The following KLC4 variants were observed in gnomAD, a reference collection of about 807,000 sequenced individuals.
The protein encoded by KLC4 is kinesin light chain 4.
A neutral mutation model predicts 77.2 loss-of-function variants in KLC4; 49 were observed. The observed-to-expected ratio is 0.63, with a 90% CI of 0.50 to 0.80. The LOEUF (loss-of-function observed/expected upper bound fraction) is 0.80. Among genes scored for constraint, KLC4 ranks in the 30% least tolerant of loss-of-function variants. KLC4 has a pLI of 0.00. For synonymous variants in KLC4, 274 were observed against 314.5 expected (o/e 0.87, Z 1.36); for missense variants, 669 against 793.5 (o/e 0.84, Z 1.89).
intron 13 of KLC4, 99 bp from the exon 14 acceptor site, chr6:43,073,124 G>A (rs1765811074): frequency 7.6e-7 from 1 of 1,309,482 alleles, no homozygotes; most frequent in Non-Finnish European, 1.1e-6. Flanking sequence ...ACTGGGCCTT[G>A]GGGGTGGGGG....
intron 15 of KLC4, chr6:43,074,388 G>A: frequency 1.7e-6 from 1 of 575,358 alleles, no homozygotes; most frequent in Non-Finnish European, 3.1e-6. Context: ...CAACACACAA[G>A]TATATGCCAG....
At chr6:43,068,158 T>C (rs1477807555) in intron 6 of KLC4, among the ~76,000 whole-genome samples, 2 of 141,378 alleles carry the variant, frequency 1.4e-5, no homozygotes. Context: ...AGGTGGACAC[T>C]TTATTAAAGT....
intron 4 of KLC4, 25 bp from the exon 5 acceptor site, chr6:43,066,281 T>A: frequency 6.3e-7 from 1 of 1,587,030 alleles, no homozygotes; most frequent in Non-Finnish European, 8.7e-7. Context: ...GAAGAGTCCT[T>A]TGTTTATGTT....
rs748660660 is a variant in KLC4 at position 43,066,450 on chromosome 6, A to G, written c.716A>G (p.Glu239Gly). Reference protein sequence around the residue: ...VAVPLCKQALEDLERTSGRGH... With the variant: ...VAVPLCKQALGDLERTSGRGH... ...GTGCCACTCTGTAAGCAGGCACTAG[A>G]GGACCTGGAGCGCACATCAGGCCGT... Residue 239 changes from glutamate (E) to glycine (G), a missense_variant, in exon 5 of 16, where the codon GAG (glutamate) becomes GGG (glycine). Coordinates refer to ENST00000347162, the MANE Select transcript of KLC4 (RefSeq NM_201521.3). 9.3e-6 allele frequency: 15 copies of G among 1,614,068 alleles called. No homozygotes were observed. The African/African-American group carries it at 2.0e-4, about 22-fold the overall frequency.
At chr6:43,062,647 T>G in intron 2 of KLC4, 1 of 502,922 alleles carries the variant, frequency 2.0e-6, no homozygotes, top group Middle Eastern at 5.5e-4. Context: ...AAATAGACAA[T>G]AGGGGAACAA....
At chr6:43,068,277 T>C (rs908177745) in intron 6 of KLC4, among the ~76,000 whole-genome samples, 4 of 149,592 alleles carry the variant, frequency 2.7e-5, no homozygotes, top group Non-Finnish European at 5.9e-5. Flanking sequence ...TTCAAGACCA[T>C]CCTGGCCAAC....
intron 6 of KLC4, among the ~76,000 whole-genome samples, chr6:43,069,232 GTTTGT>G (rs374619938): frequency 0.023 from 3,438 of 152,046 alleles, 56 homozygotes; most frequent in Non-Finnish European, 0.034. Flanking sequence ...TGAAAAGTTT[GTTTGT>G]TTTGTTTTGT....
chr6:43,063,210 G>T lies in KLC4; in HGVS notation c.489+63G>T, dbSNP rs1321956185. 4.7e-6 allele frequency: 6 copies of T among 1,278,798 alleles called. No individual in the cohort carries two copies. The African/African-American group carries it at 7.3e-5, about 16-fold the overall frequency. The allele number at this position is 1,278,798 out of a possible 1,614,324, so 79.2% of individuals were successfully genotyped here. On this transcript the variant is annotated intron_variant, in intron 3 of 15. Coordinates refer to ENST00000347162, the MANE Select transcript of KLC4 (RefSeq NM_201521.3). ...AGCCGGGAGTTACCACAGACATGGG[G>T]GCAATTGCCCCATCATCCTCAGGGT...
At chr6:43,067,908 C>T (rs1364646513) in intron 6 of KLC4, among the ~76,000 whole-genome samples, 1 of 117,922 alleles carries the variant, frequency 8.5e-6, no homozygotes, top group Non-Finnish European at 1.6e-5. Context: ...GTCAGGAGAT[C>T]GAGACCATCC....
chr6:43,060,178 T>C (rs992444397), intron 1 of KLC4: 5 of 1,613,308 alleles, frequency 3.1e-6, no homozygotes, highest in Non-Finnish European at 1.7e-6. Flanking sequence ...TCTCAGAGCC[T>C]GTTTGTAGGT....
chr6:43,063,179 G>T (rs1471778202), intron 3 of KLC4, 32 bp downstream of exon 3: 1 of 1,544,498 alleles, frequency 6.5e-7, no homozygotes, highest in Non-Finnish European at 8.9e-7. Flanking sequence ...TGGCTGAGGG[G>T]TGGGCAGCCG....
At chr6:43,063,546 A>G (rs1326712233) in intron 3 of KLC4, among the ~76,000 whole-genome samples, 1 of 148,540 alleles carries the variant, frequency 6.7e-6, no homozygotes, top group Middle Eastern at 3.4e-3. Context: ...TGCTTTCAAA[A>G]TGTGTGAATT....
Position 43,072,905 on chromosome 6 carries a change from G to A in KLC4, c.1570G>A (p.Gly524Arg). 3 of 1,611,316 alleles carry A rather than the reference G, an allele frequency of 1.9e-6. No individual in the cohort carries two copies. The highest frequency in any genetic ancestry group is 3.4e-5 in the Admixed American group (2 of 59,188). Residue 524 changes from glycine to arginine, a missense_variant, in exon 13 of 16, where the codon GGA becomes AGA. Gly to Arg is a moderately radical substitution (Grantham distance 125, BLOSUM62 -2). Coordinates refer to ENST00000347162, the MANE Select transcript of KLC4 (RefSeq NM_201521.3). ...TAGAAGGACCTCCCAGGAGGGCCCTGGAGACAGTGTGAAATTCGAGGGAGG... is the reference window on the plus strand; with the variant it reads ...TAGAAGGACCTCCCAGGAGGGCCCTAGAGACAGTGTGAAATTCGAGGGAGG... The part of the protein sequence containing the change: ...DGRRTSQEGP[G>R]DSVKFEGGED...
intron 6 of KLC4, among the ~76,000 whole-genome samples, chr6:43,069,037 G>A (rs1168898020): frequency 1.3e-5 from 2 of 152,116 alleles, no homozygotes; most frequent in East Asian, 1.9e-4. Flanking sequence ...GAACCCAGGA[G>A]GCTGAGGTTG....
At chr6:43,070,904 A>C in intron 8 of KLC4, 39 bp downstream of exon 8, 2 of 156,986 alleles carry the variant, frequency 1.3e-5, no homozygotes, top group Non-Finnish European at 1.0e-5. Context: ...AGAAACGGAG[A>C]GGGGGGCACA....
chr6:43,064,677 G>A (rs1192490632), intron 3 of KLC4, among the ~76,000 whole-genome samples: 2 of 152,206 alleles, frequency 1.3e-5, no homozygotes, highest in African/African-American at 2.4e-5. Flanking sequence ...GGAGTGCAGG[G>A]TGTCATTGAT....
Position 43,067,101 on chromosome 6 carries a change from T to TCCCCCCC in KLC4, c.879+22_879+23insCCCCCCC. The TCCCCCCC allele has an allele frequency of 6.3e-6, 10 of 1,584,658 alleles. No homozygotes were observed. The highest frequency in any genetic ancestry group is 2.7e-5 in the African/African-American group (2 of 74,082). ...ATCCTGCTGTCAGTATTCCTTGCCC[T>TCCCCCCC]CCCCACCCCACGCCCCGCACCCCCC... On this transcript the variant is annotated intron_variant, in intron 6 of 15. Coordinates refer to ENST00000347162, the MANE Select transcript of KLC4 (RefSeq NM_201521.3).
intron 4 of KLC4, among the ~76,000 whole-genome samples, 155 bp downstream of exon 4, chr6:43,065,856 T>G (rs1765396738): frequency 6.6e-6 from 1 of 152,224 alleles, no homozygotes; most frequent in South Asian, 2.1e-4. Flanking sequence ...TTCGATTTCC[T>G]CAGCCTCCCC....
intron 1 of KLC4, chr6:43,059,897 T>C (rs943226492): frequency 8.1e-7 from 1 of 1,228,100 alleles, no homozygotes; most frequent in African/African-American, 1.6e-5. Context: ...ACTGACTCAG[T>C]GACCTCGGGG....
Sources: allele counts gnomAD v4.1 joint callset (sites outside exome capture counted in the v4.1 genomes callset), GRCh38; gene constraint gnomAD v4.1.1; transcripts MANE v1.5; gene names NCBI Gene and HGNC (gene_info 2026-07-23, HGNC 2026-07-21).